The following PARP8 variants were observed in gnomAD, a reference collection of about 807,000 sequenced individuals.
PARP8 encodes the protein poly(ADP-ribose) polymerase family member 8.
PARP8 carries 51 observed loss-of-function variants against 124.1 expected under a neutral mutation model. The ratio of observed to expected loss-of-function variants is 0.41; its 90% confidence interval spans 0.33 to 0.52. The LOEUF is 0.52. Among genes scored for constraint, PARP8 ranks in the 20% least tolerant of loss-of-function variants. The probability of loss-of-function intolerance (pLI) is 0.21; values close to 1 mark genes in which losing one functional copy is unlikely to be tolerated. For missense variants in PARP8, 860 were observed against 1,018.9 expected, an observed-to-expected ratio of 0.84 and a Z score of 2.12; for synonymous variants, 391 against 361.5, an observed-to-expected ratio of 1.08 and a Z score of -0.93.
intron 2 of PARP8, among the ~76,000 whole-genome samples, chr5:50,706,697 ATAG>A: frequency 6.6e-6 from 1 of 152,244 alleles, no homozygotes; most frequent in South Asian, 2.1e-4. Flanking sequence ...ACAATATGTT[ATAG>A]TACACATAAG....
At chr5:50,734,841 A>G (rs1757321454) in intron 2 of PARP8, among the ~76,000 whole-genome samples, 1 of 152,128 alleles carries the variant, frequency 6.6e-6, no homozygotes. Flanking sequence ...CAGTGAATTC[A>G]TAGTGCCAAA....
At chr5:50,790,237 T>C (rs1379325221) in intron 10 of PARP8, among the ~76,000 whole-genome samples, 1 of 152,228 alleles carries the variant, frequency 6.6e-6, no homozygotes, top group African/African-American at 2.4e-5. Flanking sequence ...TAGCATATTA[T>C]ATAATGTAGT....
chr5:50,759,774 A>C (rs1760357128), intron 4 of PARP8, 42 bp downstream of exon 4: 1 of 1,520,928 alleles, frequency 6.6e-7, no homozygotes, highest in South Asian at 1.3e-5. Flanking sequence ...AATTTTTTAA[A>C]TTGCATTATC....
chr5:50,776,176 A>T (rs1210460709), intron 7 of PARP8, among the ~76,000 whole-genome samples: 1 of 152,198 alleles, frequency 6.6e-6, no homozygotes, highest in Non-Finnish European at 1.5e-5. Context: ...TGTTAATGTG[A>T]TGTATCACGT....
At chr5:50,803,715 A>C (rs559585414) in intron 14 of PARP8, among the ~76,000 whole-genome samples, 1 of 152,254 alleles carries the variant, frequency 6.6e-6, no homozygotes, top group Non-Finnish European at 1.5e-5. Flanking sequence ...TTATTTAGAT[A>C]TGATATTCTT....
chr5:50,687,565 TC>T (rs1421386716), intron 2 of PARP8, among the ~76,000 whole-genome samples: 1 of 152,164 alleles, frequency 6.6e-6, no homozygotes, highest in Non-Finnish European at 1.5e-5. Flanking sequence ...TAGTCTGTTT[TC>T]ACACTGTTGA....
intron 12 of PARP8, 109 bp downstream of exon 12, chr5:50,795,526 T>G (rs1742443904): frequency 1.1e-6 from 1 of 883,082 alleles, no homozygotes; most frequent in African/African-American, 1.7e-5. Flanking sequence ...TTGTTTTAAT[T>G]TACTGTTTTT....
chr5:50,760,636 C>A (rs764334878), intron 5 of PARP8, among the ~76,000 whole-genome samples: 1 of 152,014 alleles, frequency 6.6e-6, no homozygotes, highest in African/African-American at 2.4e-5. Flanking sequence ...TTTCATCAAA[C>A]ACTGTAATTA....
chr5:50,794,470 A>C, intron 11 of PARP8, 138 bp downstream of exon 11: 1 of 934,588 alleles, frequency 1.1e-6, no homozygotes, highest in South Asian at 2.2e-5. Context: ...AGTTAGATGC[A>C]TTCCATCAAA....
chr5:50,691,349 A>T (rs2149461039), intron 2 of PARP8, among the ~76,000 whole-genome samples: 1 of 152,190 alleles, frequency 6.6e-6, no homozygotes, highest in East Asian at 1.9e-4. Flanking sequence ...ACTCCACTGA[A>T]GCAGCTTTCA....
chr5:50,710,373 A>T (rs1394520821), intron 2 of PARP8, among the ~76,000 whole-genome samples: 15 of 152,036 alleles, frequency 9.9e-5, no homozygotes, highest in African/African-American at 3.6e-4. Flanking sequence ...CTATATTTTG[A>T]GGTGAGTTTT....
At chr5:50,798,213 A>T (rs960393172) in intron 14 of PARP8, among the ~76,000 whole-genome samples, 2 of 152,150 alleles carry the variant, frequency 1.3e-5, no homozygotes, top group African/African-American at 2.4e-5. Context: ...TCATCAGTCG[A>T]TGGAATTGCT....
At chr5:50,720,390 G>A (rs1755754627) in intron 2 of PARP8, among the ~76,000 whole-genome samples, 2 of 152,014 alleles carry the variant, frequency 1.3e-5, no homozygotes, top group Admixed American at 1.3e-4. Context: ...TTCTGCTTTA[G>A]GTCTTTCAGG....
chr5:50,687,232 A>G (rs917740195), intron 2 of PARP8, among the ~76,000 whole-genome samples: 8 of 152,292 alleles, frequency 5.3e-5, no homozygotes, highest in Admixed American at 5.2e-4. Flanking sequence ...TTAAAGTTCC[A>G]CAAATCTTTA....
intron 12 of PARP8, among the ~76,000 whole-genome samples, chr5:50,795,704 C>T (rs1237378340): frequency 6.6e-6 from 1 of 152,166 alleles, no homozygotes; most frequent in Non-Finnish European, 1.5e-5. Flanking sequence ...GCATTGGATT[C>T]ACAAAGCCCT....
intron 2 of PARP8, among the ~76,000 whole-genome samples, chr5:50,696,145 G>A (rs900122648): frequency 6.6e-6 from 1 of 152,090 alleles, no homozygotes; most frequent in Non-Finnish European, 1.5e-5. Flanking sequence ...TAGGATTAAG[G>A]CGAGTCAAAC....
chr5:50,702,385 G>A (rs1226650135), intron 2 of PARP8, among the ~76,000 whole-genome samples: 2 of 152,044 alleles, frequency 1.3e-5, no homozygotes, highest in South Asian at 4.1e-4. Flanking sequence ...TGTTTTATAG[G>A]TGACCTCTAG....
intron 2 of PARP8, among the ~76,000 whole-genome samples, chr5:50,702,008 G>T (rs1753650750): frequency 6.6e-6 from 1 of 151,998 alleles, no homozygotes; most frequent in Non-Finnish European, 1.5e-5. Context: ...CATTTTTCTG[G>T]TTTTGACAAC....
intron 2 of PARP8, among the ~76,000 whole-genome samples, chr5:50,723,225 G>A (rs543890870): frequency 6.6e-6 from 1 of 152,144 alleles, no homozygotes; most frequent in South Asian, 2.1e-4. Flanking sequence ...TACATCGAAA[G>A]TCTCATGTTT....
Sources: gnomAD v4.1 joint callset for allele counts (sites outside exome capture counted in the v4.1 genomes callset) on GRCh38, gnomAD v4.1.1 for gene constraint, MANE v1.5 for transcripts, NCBI Gene and HGNC (gene_info 2026-07-23, HGNC 2026-07-21) for gene names.